Variants in PCDH9 observed in about 807,000 individuals in gnomAD.
The protein encoded by PCDH9 is protocadherin-9.
Under a neutral mutation model 70.6 loss-of-function variants are expected in PCDH9, and 24 were observed. The ratio of observed to expected loss-of-function variants is 0.34; its 90% CI spans 0.25 to 0.48. The LOEUF (loss-of-function observed/expected upper bound fraction) is 0.48. PCDH9 is among the 20% of genes least tolerant of loss of function. PCDH9 has a pLI of 0.99. For synonymous variants in PCDH9, 562 were observed against 558.5 expected, an observed-to-expected ratio of 1.01 and a Z score of -0.09; for missense variants, 1,281 against 1,503.6, an observed-to-expected ratio of 0.85 and a Z score of 2.45.
At chr13:67,109,297 A>C (rs900537329) in intron 2 of PCDH9, among the ~76,000 whole-genome samples, 1 of 152,144 alleles carries the variant, frequency 6.6e-6, no homozygotes, top group African/African-American at 2.4e-5. Flanking sequence ...TATTTTTACC[A>C]GTTAGGATCT....
At chr13:67,222,412 T>C (rs1293640823) in intron 2 of PCDH9, 3 of 152,044 alleles carry the variant, frequency 2.0e-5, no homozygotes, top group Admixed American at 6.6e-5. Flanking sequence ...ATGAGGAATA[T>C]GATTTACAGT....
At chr13:66,672,048 G>C (rs1221997304) in intron 3 of PCDH9, among the ~76,000 whole-genome samples, 9 of 152,118 alleles carry the variant, frequency 5.9e-5, no homozygotes, top group Non-Finnish European at 1.2e-4. Context: ...GAAAAAAATG[G>C]TTTCATGAGC....
intron 3 of PCDH9, among the ~76,000 whole-genome samples, chr13:66,838,841 G>C (rs2081068414): frequency 6.6e-6 from 1 of 151,800 alleles, no homozygotes; most frequent in South Asian, 2.1e-4. Flanking sequence ...CTAATCTCTA[G>C]TAACAGACTT....
chr13:66,992,927 T>C (rs1308530900), intron 2 of PCDH9, among the ~76,000 whole-genome samples: 3 of 148,230 alleles, frequency 2.0e-5, no homozygotes, highest in Non-Finnish European at 3.0e-5. Flanking sequence ...AGATCCTGAA[T>C]GGACTACATC....
chr13:66,588,993 C>CT (rs1255290249), intron 4 of PCDH9, among the ~76,000 whole-genome samples: 1 of 151,908 alleles, frequency 6.6e-6, no homozygotes, highest in African/African-American at 2.4e-5. Context: ...TTCCCTTTGA[C>CT]TTTTGTTGTT....
At chr13:66,656,941 G>T (rs1016188593) in intron 3 of PCDH9, among the ~76,000 whole-genome samples, 2 of 152,122 alleles carry the variant, frequency 1.3e-5, no homozygotes, top group African/African-American at 4.8e-5. Flanking sequence ...CTTTTAAAAA[G>T]GAGTATAAAG....
intron 2 of PCDH9, among the ~76,000 whole-genome samples, chr13:67,100,652 C>G (rs542455175): frequency 1.3e-5 from 2 of 152,166 alleles, no homozygotes; most frequent in Non-Finnish European, 2.9e-5. Flanking sequence ...CCAAAAAGAT[C>G]GTGCATTGCT....
chr13:66,492,440 T>TTATATATAATATATATATATAATAAA, intron 4 of PCDH9, among the ~76,000 whole-genome samples: 1 of 148,116 alleles, frequency 6.8e-6, no homozygotes, highest in Non-Finnish European at 1.5e-5. Context: ...ATGTTTATAT[T>TTATATATAATATATATATATAATAAA]TATATATAAT....
intron 4 of PCDH9, among the ~76,000 whole-genome samples, chr13:66,403,475 A>T (rs768178413): frequency 6.6e-6 from 1 of 152,086 alleles, no homozygotes; most frequent in Non-Finnish European, 1.5e-5. Context: ...GTAATTTTAA[A>T]TAAATTATGC....
intron 4 of PCDH9, among the ~76,000 whole-genome samples, chr13:66,359,784 T>A (rs1207166789): frequency 6.6e-6 from 1 of 152,060 alleles, no homozygotes; most frequent in Non-Finnish European, 1.5e-5. Flanking sequence ...ATTTCTAAGC[T>A]TAACCATTCA....
chr13:66,922,458 T>C (rs988728370), intron 2 of PCDH9, among the ~76,000 whole-genome samples: 2 of 151,370 alleles, frequency 1.3e-5, no homozygotes, highest in Non-Finnish European at 3.0e-5. Flanking sequence ...ACTCAAGGAA[T>C]GCTAATAGAC....
intron 3 of PCDH9, among the ~76,000 whole-genome samples, chr13:66,730,897 T>TTTGTTTTG (rs751736780): frequency 7.7e-5 from 10 of 129,130 alleles, no homozygotes; most frequent in East Asian, 2.2e-4. Flanking sequence ...GTTTGTTTCT[T>TTTGTTTTG]TTTTTTTGTG....
intron 2 of PCDH9, among the ~76,000 whole-genome samples, chr13:67,009,026 T>C (rs185963372): frequency 6.6e-6 from 1 of 152,232 alleles, no homozygotes; most frequent in East Asian, 1.9e-4. Flanking sequence ...TATTTTATTT[T>C]TATTTTTATA....
chr13:67,195,014 A>G (rs2089022136), intron 2 of PCDH9, among the ~76,000 whole-genome samples: 1 of 152,192 alleles, frequency 6.6e-6, no homozygotes, highest in Non-Finnish European at 1.5e-5. Context: ...AACCTGGATC[A>G]CTTGTGAAAA....
At chr13:66,376,087 G>C (rs1257413060) in intron 4 of PCDH9, among the ~76,000 whole-genome samples, 1 of 152,110 alleles carries the variant, frequency 6.6e-6, no homozygotes, top group Non-Finnish European at 1.5e-5. Context: ...GAAATGTGGA[G>C]AGAAAATTCC....
At chr13:66,779,853 A>C (rs202141089) in intron 3 of PCDH9, among the ~76,000 whole-genome samples, 316 of 48,184 alleles carry the variant, frequency 6.6e-3, no homozygotes, top group South Asian at 0.03. Flanking sequence ...CTCTCTCTAT[A>C]TATATATATA....
At chr13:67,214,732 T>C (rs1179606581) in intron 2 of PCDH9, 2 of 151,656 alleles carry the variant, frequency 1.3e-5, no homozygotes, top group Non-Finnish European at 2.9e-5. Flanking sequence ...AACCAGATAG[T>C]GTTTTAACAC....
At chr13:66,399,989 C>T (rs1957161007) in intron 4 of PCDH9, among the ~76,000 whole-genome samples, 1 of 151,990 alleles carries the variant, frequency 6.6e-6, no homozygotes, top group Non-Finnish European at 1.5e-5. Flanking sequence ...AGAAGAAATC[C>T]AGGCTTCATG....
intron 3 of PCDH9, among the ~76,000 whole-genome samples, chr13:66,872,328 CT>C (rs373017140): frequency 3.3e-5 from 5 of 152,092 alleles, no homozygotes; most frequent in Admixed American, 6.6e-5. Flanking sequence ...TAAGATTCTA[CT>C]TTTTTTCCAT....
Sources: allele counts gnomAD v4.1 joint callset (sites outside exome capture counted in the v4.1 genomes callset), GRCh38; gene constraint gnomAD v4.1.1; transcripts MANE v1.5; gene names NCBI Gene and HGNC (gene_info 2026-07-23, HGNC 2026-07-21).